CENPK: variants seen among roughly 807,000 people sequenced by gnomAD.
CENPK encodes SoxLZ/Sox6-binding protein Solt.
A neutral mutation model predicts 40.9 loss-of-function variants in CENPK; 46 were observed. That is an observed-to-expected ratio of 1.13 (90% CI 0.89 to 1.44). The LOEUF (loss-of-function observed/expected upper bound fraction) is 1.44. Among genes scored for constraint, CENPK ranks in the 40% most tolerant of loss-of-function variants. CENPK has a pLI of 0.00. For synonymous variants in CENPK, 107 were observed against 104.4 expected (o/e 1.02, Z -0.15); for missense variants, 288 against 303.5 (o/e 0.95, Z 0.38).
At chr5:65,535,362 T>C (rs1005623743) in intron 6 of CENPK, among the ~76,000 whole-genome samples, 1 of 152,194 alleles carries the variant, frequency 6.6e-6, no homozygotes, top group Non-Finnish European at 1.5e-5. Flanking sequence ...GTCAGTTCCC[T>C]GAAAAAAAGC....
the CENPK span, among the ~76,000 whole-genome samples, chr5:65,509,851 TTTTCA>T: frequency 2.0e-5 from 3 of 152,356 alleles, no homozygotes; most frequent in Non-Finnish European, 2.9e-5. Context: ...ATTTCAAAAC[TTTTCA>T]TTATTATTAT....
At chr5:65,526,338 T>C (rs971622409) in intron 9 of CENPK, among the ~76,000 whole-genome samples, 11 of 152,158 alleles carry the variant, frequency 7.2e-5, no homozygotes, top group Non-Finnish European at 1.3e-4. Flanking sequence ...GCTGTCATAC[T>C]TTTACAAATA....
chr5:65,497,946 A>G, the CENPK span, among the ~76,000 whole-genome samples: 3 of 152,336 alleles, frequency 2.0e-5, no homozygotes, highest in African/African-American at 7.2e-5. Flanking sequence ...TAAAAACAAT[A>G]TAGTGTGGAG....
Position 65,532,910 on chromosome 5 carries a change from C to CAAAAAAAAA in CENPK, c.289-3720_289-3712dup, listed in dbSNP as rs60713724. On this transcript the variant is annotated intron_variant, in intron 6 of 10. Coordinates refer to ENST00000396679, the MANE Select transcript of CENPK (RefSeq NM_022145.5). ...GACAACAAGAGCGAAACTCCATCTC[C>CAAAAAAAAA]AAAAAAAAAAAAAAAAAAAAAAAAA... Among the ~76,000 whole-genome samples, 61 of 36,994 alleles carry CAAAAAAAAA rather than the reference C, an allele frequency of 1.6e-3. 5 individuals are homozygous for CAAAAAAAAA. Among genetic ancestry groups the CAAAAAAAAA allele is most frequent in the South Asian group, 3.6e-3 (3 of 834 alleles). 24.3% of individuals were successfully genotyped at this position (36,994 alleles called of 152,430 possible). A position where few individuals can be genotyped will look rare whatever the true frequency, so the allele number is the denominator to read the frequency against.
At chr5:65,508,973 G>A in the CENPK span, among the ~76,000 whole-genome samples, 1 of 152,056 alleles carries the variant, frequency 6.6e-6, no homozygotes, top group Admixed American at 6.6e-5. Context: ...AATAAAAACA[G>A]ACAAGACACA....
the CENPK span, among the ~76,000 whole-genome samples, chr5:65,503,683 A>T: frequency 1.3e-5 from 2 of 149,886 alleles, no homozygotes; most frequent in Admixed American, 6.6e-5. Flanking sequence ...TTTGAGACAG[A>T]GTCTCACTCT....
rs1745230797 is a variant in CENPK at position 65,528,941 on chromosome 5, C to T, written c.448G>A (p.Val150Ile). Reference sequence around the variant, plus strand: ...TACCTTGATTCAGAAAATGTTTCAACCTTATTTTTCAATTCACTGTGTAGT... The same window carrying T: ...TACCTTGATTCAGAAAATGTTTCAATCTTATTTTTCAATTCACTGTGTAGT... ...NVLHSELKNK[V>I]ETFSESRIFN... is the part of the protein sequence containing the mutation. Residue 150 changes from valine (V) to isoleucine (I), a missense_variant, in exon 8 of 11, where the codon GTT becomes ATT. Transcript: ENST00000396679. 2 of 1,582,238 alleles carry T rather than the reference C, an allele frequency of 1.3e-6. No homozygotes were observed. The highest frequency in any genetic ancestry group is 1.7e-6 in the Non-Finnish European group (2 of 1,159,020).
intron 6 of CENPK, among the ~76,000 whole-genome samples, chr5:65,534,030 A>G (rs1270883803): frequency 7.4e-6 from 1 of 135,810 alleles, no homozygotes; most frequent in Non-Finnish European, 1.5e-5. Flanking sequence ...CCTGGGTGAC[A>G]GAGCGAGACA....
Position 65,518,266 on chromosome 5 carries a change from C to G in CENPK, c.*209G>C, listed in dbSNP as rs1431598611. 1 of 491,128 alleles carries G rather than the reference C, an allele frequency of 2.0e-6. No homozygotes were observed. The highest frequency in any genetic ancestry group is 2.0e-5 in the African/African-American group (1 of 49,964). The allele number at this position is 491,128 out of a possible 1,614,324, so 30.4% of individuals were successfully genotyped here. A position where few individuals can be genotyped will look rare whatever the true frequency, so the allele number is the denominator to read the frequency against. On this transcript the variant is annotated 3_prime_UTR_variant, in exon 11 of 11. Coordinates refer to ENST00000396679, the MANE Select transcript of CENPK (RefSeq NM_022145.5). ...AATATTATCTACCTGCATTCTTATC[C>G]ATATAGTTTAAAACACTAAAGCACT...
intron 6 of CENPK, among the ~76,000 whole-genome samples, chr5:65,540,871 G>A (rs557498796): frequency 1.2e-4 from 18 of 149,872 alleles, no homozygotes; most frequent in African/African-American, 3.9e-4. Context: ...GCAGTGACGC[G>A]ATCATGGCTC....
chr5:65,538,291 A>G (rs539159439), intron 6 of CENPK, among the ~76,000 whole-genome samples: 2 of 152,302 alleles, frequency 1.3e-5, no homozygotes, highest in East Asian at 1.9e-4. Context: ...GACATTTCAC[A>G]GATGTGTATG....
At chr5:65,513,490 T>C (rs1347126365), downstream of CENPK, among the ~76,000 whole-genome samples, 2 of 152,214 alleles carry the variant, frequency 1.3e-5, no homozygotes, top group Admixed American at 1.3e-4. Context: ...TTTGTAGTTT[T>C]CCATATAGAT....
At chr5:65,519,733 A>ATCAT (rs1743377060) in intron 10 of CENPK, among the ~76,000 whole-genome samples, 1 of 152,152 alleles carries the variant, frequency 6.6e-6, no homozygotes, top group South Asian at 2.1e-4. Context: ...ATTTTCAACT[A>ATCAT]TCATTAATTA....
the CENPK span, among the ~76,000 whole-genome samples, chr5:65,504,598 T>G: frequency 1.2e-4 from 19 of 152,074 alleles, no homozygotes; most frequent in East Asian, 1.7e-3. Context: ...AAAATTGCTG[T>G]TTTTTTTCCC....
At chr5:65,542,130 A>G (rs1748087151) in intron 6 of CENPK, among the ~76,000 whole-genome samples, 1 of 152,162 alleles carries the variant, frequency 6.6e-6, no homozygotes, top group Non-Finnish European at 1.5e-5. Context: ...ACCTCCTAAT[A>G]TCATCACACT....
intron 10 of CENPK, among the ~76,000 whole-genome samples, chr5:65,519,562 A>G (rs917217198): frequency 1.3e-5 from 2 of 152,196 alleles, no homozygotes; most frequent in Non-Finnish European, 1.5e-5. Context: ...CTGAATTGTC[A>G]GGCCAAATTT....
At chr5:65,528,801 AC>A in intron 8 of CENPK, 117 bp downstream of exon 8, 1 of 913,368 alleles carries the variant, frequency 1.1e-6, no homozygotes, top group Non-Finnish European at 1.6e-6. Context: ...CTAATAGTTA[AC>A]AAAAGTTAGG....
At chr5:65,514,558 C>T (rs1742738618), downstream of CENPK, among the ~76,000 whole-genome samples, 1 of 152,178 alleles carries the variant, frequency 6.6e-6, no homozygotes, top group South Asian at 2.1e-4. Flanking sequence ...AGCCATCGTG[C>T]TCAGCCTCAC....
chr5:65,536,728 T>A (rs11960449), intron 6 of CENPK, among the ~76,000 whole-genome samples: 61,841 of 152,008 alleles, frequency 0.41, 12,937 homozygotes, highest in East Asian at 0.65. Context: ...TGCCTTCGAT[T>A]TTTTAATATT....
Sources: gnomAD v4.1 joint callset for allele counts (sites outside exome capture counted in the v4.1 genomes callset) on GRCh38, gnomAD v4.1.1 for gene constraint, MANE v1.5 for transcripts, NCBI Gene and HGNC (gene_info 2026-07-23, HGNC 2026-07-21) for gene names.